Variants in ARHGAP22 observed in about 807,000 individuals in gnomAD.
ARHGAP22 encodes Rho GTPase activating protein 22, also known as rho GTPase-activating protein 22.
A neutral mutation model predicts 59.1 loss-of-function variants in ARHGAP22; 48 were observed. That is an observed-to-expected ratio of 0.81 (90% confidence interval 0.64 to 1.03). The LOEUF (loss-of-function observed/expected upper bound fraction) is 1.03. Ranked by LOEUF, ARHGAP22 falls within the 50% of genes least tolerant of loss-of-function variation. The probability of loss-of-function intolerance (pLI) is 0.00; values close to 1 mark genes in which losing one functional copy is unlikely to be tolerated. For missense variants in ARHGAP22, 1,015 were observed against 958.7 expected (o/e 1.06, Z -0.78); for synonymous variants, 445 against 416.4 (o/e 1.07, Z -0.84).
intron 1 of ARHGAP22, among the ~76,000 whole-genome samples, chr10:48,594,561 A>G (rs1589053799): frequency 6.6e-6 from 1 of 150,742 alleles, no homozygotes; most frequent in East Asian, 2.0e-4. Flanking sequence ...TTCCCTCCCC[A>G]CCCCCAAATG....
chr10:48,508,333 C>T (rs2052374800), intron 3 of ARHGAP22, among the ~76,000 whole-genome samples: 1 of 152,218 alleles, frequency 6.6e-6, no homozygotes, highest in Admixed American at 6.5e-5. Flanking sequence ...ATGTTGGGGA[C>T]CTGCTGACGA....
chr10:48,604,281 C>G (rs2060550607), intron 1 of ARHGAP22, among the ~76,000 whole-genome samples: 2 of 152,232 alleles, frequency 1.3e-5, no homozygotes, highest in Admixed American at 6.5e-5. Context: ...CCTGCCTGCC[C>G]CTGGCCTGCT....
chr10:48,469,278 G>A (rs2048008371), intron 4 of ARHGAP22, among the ~76,000 whole-genome samples: 1 of 152,222 alleles, frequency 6.6e-6, no homozygotes, highest in African/African-American at 2.4e-5. Context: ...CCCTGGCCCT[G>A]CCAATGCCCA....
At chr10:48,573,652 C>G (rs1588876599) in intron 2 of ARHGAP22, among the ~76,000 whole-genome samples, 1 of 152,292 alleles carries the variant, frequency 6.6e-6, no homozygotes, top group East Asian at 1.9e-4. Context: ...ATTTCAGAAC[C>G]CATTCTAAGA....
upstream of ARHGAP22, chr10:48,656,170 G>T (rs2062799688): frequency 6.6e-6 from 1 of 151,984 alleles, no homozygotes; most frequent in Non-Finnish European, 1.5e-5. Flanking sequence ...CCTGTCCCCG[G>T]CCTCCGTGTG....
chr10:48,484,801 A>C lies in ARHGAP22; in HGVS notation c.323-5037T>G, dbSNP rs2049691806. ...TCCTTTTACTATCTGAAGAAGCTGT[A>C]CTGATATTACCTCTCTCACCCTGAT... is the stretch of plus-strand genomic sequence containing the variant. On this transcript the variant is annotated intron_variant, in intron 3 of 9. Transcript: ENST00000249601. Among the ~76,000 whole-genome samples the C allele has an allele frequency of 3.3e-5, 5 of 152,234 alleles. No individual in the cohort carries two copies. The South Asian group carries it at 6.2e-4, about 19-fold the overall frequency.
chr10:48,458,304 CCG>C lies in ARHGAP22; in HGVS notation c.659+1378_659+1379del, dbSNP rs1323844670. Among the ~76,000 whole-genome samples the C allele has an allele frequency of 5.3e-5, 8 of 152,110 alleles. No homozygotes were observed. The South Asian group carries it at 1.5e-3, about 28-fold the overall frequency. On this transcript the variant is annotated intron_variant, in intron 5 of 9. Transcript: ENST00000249601. ...AAGGCTGCCCCAGGCTGCTGGGAGG[CCG>C]AGAGTCAGGTCTGCATGGAACCCAC... is the stretch of plus-strand genomic sequence containing the variant.
chr10:48,519,015 CTA>C (rs1172313792), intron 3 of ARHGAP22, among the ~76,000 whole-genome samples: 1 of 152,156 alleles, frequency 6.6e-6, no homozygotes, highest in Non-Finnish European at 1.5e-5. Context: ...AGGAAAGTGA[CTA>C]AAGATTCTGA....
At chr10:48,468,539 C>A (rs1297417865) in intron 4 of ARHGAP22, among the ~76,000 whole-genome samples, 2 of 152,192 alleles carry the variant, frequency 1.3e-5, no homozygotes, top group Non-Finnish European at 2.9e-5. Context: ...CTGCTGACAT[C>A]TGGATTTTAG....
chr10:48,487,644 C>A (rs923499913), intron 3 of ARHGAP22, among the ~76,000 whole-genome samples: 1 of 152,194 alleles, frequency 6.6e-6, no homozygotes, highest in Non-Finnish European at 1.5e-5. Flanking sequence ...CGCCCTCAGA[C>A]CCTCCATAAC....
chr10:48,484,167 C>A (rs531386497), intron 3 of ARHGAP22, among the ~76,000 whole-genome samples: 1 of 152,262 alleles, frequency 6.6e-6, no homozygotes, highest in South Asian at 2.1e-4. Context: ...TTCTTGGCAC[C>A]TGTGTGGAAA....
At chr10:48,581,511 A>G (rs1018311324) in intron 2 of ARHGAP22, among the ~76,000 whole-genome samples, 1 of 152,208 alleles carries the variant, frequency 6.6e-6, no homozygotes, top group Non-Finnish European at 1.5e-5. Context: ...CTCCTTTCTC[A>G]TACAATCAAG....
At chr10:48,500,516 C>G (rs1160443554) in intron 3 of ARHGAP22, among the ~76,000 whole-genome samples, 1 of 152,052 alleles carries the variant, frequency 6.6e-6, no homozygotes, top group African/African-American at 2.4e-5. Context: ...GGGATAGGGA[C>G]AATGGGAGAG....
At position 48,651,576 on chromosome 10, in the gene ARHGAP22, C is replaced by G. The variant is rs2062565185; in HGVS notation, c.52+658G>C. Reference sequence around the variant, plus strand: ...CCTGCACAACCCACCCAATCAGCACCTGTACAACCCATCCAAATCATCACT... The same window carrying G: ...CCTGCACAACCCACCCAATCAGCACGTGTACAACCCATCCAAATCATCACT... On this transcript the variant is annotated intron_variant, in intron 1 of 9. Transcript: ENST00000435790. 2.6e-5 allele frequency among the ~76,000 whole-genome samples: 4 copies of G among 152,172 alleles called. No individual in the cohort carries two copies. In the South Asian group the frequency reaches 8.3e-4, roughly 32 times the overall value.
chr10:48,644,642 A>G (rs572954949), intron 1 of ARHGAP22, among the ~76,000 whole-genome samples: 37 of 152,240 alleles, frequency 2.4e-4, no homozygotes, highest in Non-Finnish European at 4.6e-4. Flanking sequence ...ACCCTCAAAT[A>G]TTTGGAAGTT....
intron 3 of ARHGAP22, chr10:48,493,485 G>A: frequency 1.3e-6 from 2 of 1,536,058 alleles, no homozygotes; most frequent in Non-Finnish European, 1.7e-6. Context: ...TGGGCCAGAA[G>A]GGCATGGTGT....
chr10:48,554,357 C>T (rs1265255708), intron 3 of ARHGAP22, among the ~76,000 whole-genome samples: 2 of 152,180 alleles, frequency 1.3e-5, no homozygotes, highest in East Asian at 3.9e-4. Context: ...GATCATTTCT[C>T]AGGGTGGCTG....
chr10:48,527,922 C>G (rs532296223), intron 3 of ARHGAP22, among the ~76,000 whole-genome samples: 31 of 152,314 alleles, frequency 2.0e-4, no homozygotes, highest in Non-Finnish European at 3.5e-4. Context: ...GAGATAGAAC[C>G]AGGGGGTGGA....
intron 2 of ARHGAP22, chr10:48,582,732 G>A: frequency 1.7e-6 from 1 of 589,968 alleles, no homozygotes; most frequent in Non-Finnish European, 3.0e-6. Context: ...ACATTTTAAG[G>A]AAACATTTTC....
Sources: gnomAD v4.1 joint callset for allele counts (sites outside exome capture counted in the v4.1 genomes callset) on GRCh38, gnomAD v4.1.1 for gene constraint, MANE v1.5 for transcripts, NCBI Gene and HGNC (gene_info 2026-07-23, HGNC 2026-07-21) for gene names.